DMD: variants seen among roughly 807,000 people sequenced by gnomAD.
The protein encoded by DMD is mutant dystrophin.
DMD carries 63 observed loss-of-function variants against 330.1 expected under a neutral mutation model. The ratio of observed to expected loss-of-function variants is 0.19; its 90% confidence interval spans 0.16 to 0.24. DMD has a LOEUF of 0.24. Ranked by LOEUF, DMD falls within the 10% of genes least tolerant of loss-of-function variation. The pLI is 1.00. For synonymous variants in DMD, 1,223 were observed against 959.8 expected (o/e 1.27, Z -5.07); for missense variants, 3,344 against 2,684.1 (o/e 1.25, Z -5.43).
chrX:32,235,701 C>T (rs1406664940), intron 43 of DMD, among the ~76,000 whole-genome samples: 1 of 110,980 alleles, frequency 9.0e-6, no homozygotes, highest in Non-Finnish European at 1.9e-5. Flanking sequence ...AAATAAGTAT[C>T]ATGTACAAAA....
chrX:31,657,340 T>A (rs2080843959), intron 54 of DMD, among the ~76,000 whole-genome samples: 1 of 112,225 alleles, frequency 8.9e-6, no homozygotes, highest in Non-Finnish European at 1.9e-5. Flanking sequence ...TTTAGATTAA[T>A]TTAAAGGACA....
intron 41 of DMD, among the ~76,000 whole-genome samples, chrX:32,322,214 A>G (rs1176815713): frequency 9.0e-6 from 1 of 111,672 alleles, no homozygotes; most frequent in Non-Finnish European, 1.9e-5. Context: ...AAAATTTTCC[A>G]GAGCTAAAGA....
chrX:32,547,087 G>C (rs1228362827), intron 16 of DMD, among the ~76,000 whole-genome samples: 1 of 110,849 alleles, frequency 9.0e-6, no homozygotes, highest in Non-Finnish European at 1.9e-5. Context: ...TTTTAACCAT[G>C]AGCACACTTT....
chrX:32,625,992 C>T (rs1220035982), intron 11 of DMD, among the ~76,000 whole-genome samples: 2 of 112,297 alleles, frequency 1.8e-5, no homozygotes, highest in African/African-American at 3.2e-5. Flanking sequence ...ACATGTCTTA[C>T]ATGTAAAATA....
chrX:32,875,153 C>T, intron 2 of DMD, among the ~76,000 whole-genome samples: 1 of 112,395 alleles, frequency 8.9e-6, no homozygotes, highest in Admixed American at 9.4e-5. Flanking sequence ...GGAATGGAGG[C>T]TCTGCCTTGA....
intron 43 of DMD, among the ~76,000 whole-genome samples, chrX:32,219,698 G>C (rs2097125738): frequency 1.8e-5 from 2 of 110,944 alleles, no homozygotes; most frequent in African/African-American, 6.6e-5. Flanking sequence ...TTGGTTTGCT[G>C]TTTTTCCTAC....
At chrX:32,543,009 C>T (rs2048629840) in intron 17 of DMD, among the ~76,000 whole-genome samples, 1 of 111,625 alleles carries the variant, frequency 9.0e-6, no homozygotes, top group South Asian at 3.7e-4. Context: ...GGTTTTGTAG[C>T]TACCTCAGTT....
intron 59 of DMD, among the ~76,000 whole-genome samples, chrX:31,453,947 T>C (rs750323734): frequency 9.0e-6 from 1 of 110,791 alleles, no homozygotes; most frequent in South Asian, 3.8e-4. Context: ...ATGCTTTAGG[T>C]TGCTAAGGAA....
intron 9 of DMD, among the ~76,000 whole-genome samples, chrX:32,657,695 T>C (rs1424494590): frequency 8.9e-6 from 1 of 112,085 alleles, no homozygotes; most frequent in African/African-American, 3.2e-5. Flanking sequence ...TTCATATGAG[T>C]TGGTAATTGA....
At position 32,177,299 on chromosome X, in the gene DMD, G is replaced by T. The variant is rs1264544107; in HGVS notation, c.6438+39617C>A. Among the ~76,000 whole-genome samples, 19 of 111,903 alleles carry T rather than the reference G, an allele frequency of 1.7e-4. No homozygotes were observed. The Admixed American group carries it at 1.8e-3, about 11-fold the overall frequency. On this transcript the variant is annotated intron_variant, in intron 44 of 78. Coordinates refer to ENST00000357033, the MANE Select transcript of DMD (RefSeq NM_004006.3). ...CATGACTCTTTCCTGACAACCACGTGACAAAGCCCTTCTGGGCAGAGAAAA... is the reference window on the plus strand; with the variant it reads ...CATGACTCTTTCCTGACAACCACGTTACAAAGCCCTTCTGGGCAGAGAAAA...
At chrX:32,557,009 T>G (rs746541753) in intron 16 of DMD, among the ~76,000 whole-genome samples, 2 of 111,913 alleles carry the variant, frequency 1.8e-5, no homozygotes, top group Non-Finnish European at 3.8e-5. Flanking sequence ...AATAAGTGTT[T>G]TGAATTGATT....
At chrX:31,495,175 G>A in intron 57 of DMD, among the ~76,000 whole-genome samples, 1 of 105,629 alleles carries the variant, frequency 9.5e-6, no homozygotes, top group Non-Finnish European at 1.9e-5. Context: ...AAGATCCCTG[G>A]GTCTTCTTTC....
At chrX:32,389,478 T>C (rs766980033) in intron 32 of DMD, 23 bp downstream of exon 32, 4 of 1,207,625 alleles carry the variant, frequency 3.3e-6, no homozygotes, top group South Asian at 3.5e-5. Context: ...GGTACCTGCG[T>C]ATTTGCCACC....
intron 2 of DMD, among the ~76,000 whole-genome samples, chrX:33,000,583 G>A (rs932400652): frequency 4.5e-5 from 5 of 111,866 alleles, no homozygotes; most frequent in Non-Finnish European, 9.4e-5. Context: ...TAATGTGGTA[G>A]CCACTAGCCA....
At position 31,836,625 on chromosome X, in the gene DMD, G is replaced by A. The variant is rs1473072722; in HGVS notation, c.7200+93C>T. 8.2e-6 allele frequency: 6 copies of A among 728,410 alleles called. No individual in the cohort carries two copies. The Admixed American group carries it at 9.0e-5, about 11-fold the overall frequency. 60.0% of individuals were successfully genotyped at this position (728,410 alleles called of 1,213,427 possible). On this transcript the variant is annotated intron_variant, in intron 49 of 78. Transcript: ENST00000357033. ...GTATTTCCTTACAAGTTATTTCACT[G>A]ATTATAAATAGTCCACGTCAATGGC... is the stretch of plus-strand genomic sequence containing the variant.
intron 44 of DMD, among the ~76,000 whole-genome samples, chrX:32,193,509 T>G (rs2096985034): frequency 8.9e-6 from 1 of 111,752 alleles, no homozygotes. Context: ...TTGATGGTGC[T>G]TTTAGTGTTT....
chrX:31,667,418 G>A (rs2081491596), intron 53 of DMD, among the ~76,000 whole-genome samples: 1 of 110,655 alleles, frequency 9.0e-6, no homozygotes, highest in Non-Finnish European at 1.9e-5. Context: ...GTGTACATAT[G>A]TATTTTTATT....
At chrX:32,544,322 T>G (rs2048764674) in intron 17 of DMD, among the ~76,000 whole-genome samples, 1 of 112,209 alleles carries the variant, frequency 8.9e-6, no homozygotes, top group South Asian at 3.7e-4. Flanking sequence ...TTTAGATGTG[T>G]GTTCTTTTCA....
chrX:32,594,571 TCAGTC>T (rs1429592577), intron 13 of DMD, among the ~76,000 whole-genome samples: 1 of 111,426 alleles, frequency 9.0e-6, no homozygotes, highest in Non-Finnish European at 1.9e-5. Context: ...AGAATCCCTC[TCAGTC>T]CAGTATTAAA....
Sources: gnomAD v4.1 joint callset for allele counts (sites outside exome capture counted in the v4.1 genomes callset) on GRCh38, gnomAD v4.1.1 for gene constraint, MANE v1.5 for transcripts, NCBI Gene and HGNC (gene_info 2026-07-23, HGNC 2026-07-21) for gene names.